SYAP1: variants seen among roughly 807,000 people sequenced by gnomAD.
SYAP1 encodes synapse associated protein 1.
In SYAP1, 3 loss-of-function variants were observed where a neutral mutation model predicts 29.6. That is an observed-to-expected ratio of 0.10 (90% CI 0.05 to 0.26). The LOEUF (loss-of-function observed/expected upper bound fraction) is 0.26, where lower values mean the gene tolerates loss of function less well. SYAP1 is among the 10% of genes least tolerant of loss of function. SYAP1 has a pLI of 1.00. For missense variants in SYAP1, 217 were observed against 264.1 expected, an observed-to-expected ratio of 0.82 and a Z score of 1.24; for synonymous variants, 102 against 102.7, an observed-to-expected ratio of 0.99 and a Z score of 0.04.
Position 16,721,419 on chromosome X carries a change from A to G in SYAP1, c.175+1520A>G, listed in dbSNP as rs111449406. Among the ~76,000 whole-genome samples, 681 of 110,857 alleles carry G rather than the reference A, an allele frequency of 6.1e-3. 5 individuals carry two copies. The highest frequency in any genetic ancestry group is 0.021 in the African/African-American group (642 of 30,420). On this transcript the variant is annotated intron_variant, in intron 1 of 8. Coordinates refer to ENST00000380155, the MANE Select transcript of SYAP1 (RefSeq NM_032796.4). ...GCTAATTTTTGTATTTTTAGTAGAG[A>G]TGGGGTTTCGCGATGTTGGGCAGGC... is the stretch of plus-strand genomic sequence containing the variant.
In SYAP1 at chrX:16,729,299, G is replaced by A. The variant is rs926393229; in HGVS notation, c.176-5928G>A. On this transcript the variant is annotated intron_variant, in intron 1 of 8. Coordinates refer to ENST00000380155, the MANE Select transcript of SYAP1 (RefSeq NM_032796.4). ...TAAATAAGCCAAATTTCACCTTTACGTTAGTGTACTATTAATGTTAAACCA... is the reference window on the plus strand; with the variant it reads ...TAAATAAGCCAAATTTCACCTTTACATTAGTGTACTATTAATGTTAAACCA... 2.7e-5 allele frequency among the ~76,000 whole-genome samples: 3 copies of A among 110,529 alleles called. No individual in the cohort carries two copies. The East Asian group carries it at 8.4e-4, about 31-fold the overall frequency.
At chrX:16,742,920 A>ATTTTTTTTTTTTTTTTTTTT in intron 4 of SYAP1, among the ~76,000 whole-genome samples, 1 of 62,992 alleles carries the variant, frequency 1.6e-5, no homozygotes, top group Non-Finnish European at 2.9e-5. Context: ...GTCCGCTTCT[A>ATTTTTTTTTTTTTTTTTTTT]TTTTTTTTTT....
At chrX:16,758,672 G>C (rs1294667415) in intron 8 of SYAP1, among the ~76,000 whole-genome samples, 1 of 109,646 alleles carries the variant, frequency 9.1e-6, no homozygotes, top group Non-Finnish European at 1.9e-5. Context: ...CTTGGCTCCA[G>C]GACTAAATTG....
At chrX:16,738,565 G>A (rs1019147159) in intron 3 of SYAP1, among the ~76,000 whole-genome samples, 2 of 111,873 alleles carry the variant, frequency 1.8e-5, no homozygotes, top group Admixed American at 9.5e-5. Context: ...CCAGCTCCTC[G>A]GGAGGCTGAG....
Position 16,741,710 on chromosome X carries a change from G to T in SYAP1, c.362-6G>T. 1 of 1,193,880 alleles carries T rather than the reference G, an allele frequency of 8.4e-7. No homozygotes were observed. The highest frequency in any genetic ancestry group is 1.1e-6 in the Non-Finnish European group (1 of 885,600). ...CTTTTCTTCTTTGCCATTAAAAACT[G>T]TATAGAAGCAGCTGTGCCCCCATGG... On this transcript the variant is annotated splice_polypyrimidine_tract_variant and splice_region_variant and intron_variant, in intron 3 of 8. Transcript: ENST00000380155.
intron 4 of SYAP1, among the ~76,000 whole-genome samples, chrX:16,742,759 G>A (rs1441826052): frequency 1.8e-5 from 2 of 110,406 alleles, no homozygotes; most frequent in Non-Finnish European, 3.8e-5. Flanking sequence ...GACGATAGGC[G>A]TAAGCCACCA....
intron 5 of SYAP1, among the ~76,000 whole-genome samples, chrX:16,749,267 C>T (rs1275398639): frequency 9.1e-6 from 1 of 109,632 alleles, no homozygotes; most frequent in Non-Finnish European, 1.9e-5. Flanking sequence ...GTTGCCCAAG[C>T]TGGTGTCAAA....
rs1331372301 is a variant in SYAP1, at chrX:16,753,283, A to T, written c.576-1662A>T. Among the ~76,000 whole-genome samples the T allele has an allele frequency of 2.8e-5, 3 of 108,738 alleles. No individual in the cohort carries two copies. In the East Asian group the frequency reaches 8.6e-4, roughly 31 times the overall value. The allele number at this position is 108,738 out of a possible 115,157, so 94.4% of individuals were successfully genotyped here. ...AAAAAAATTAGCAAGGCATAGTGGC[A>T]TGTGCCTGTAGTCTCAGCCACCCGG... On this transcript the variant is annotated intron_variant, in intron 5 of 8. Transcript: ENST00000380155.
chrX:16,737,117 A>G (rs1011005078), intron 3 of SYAP1, among the ~76,000 whole-genome samples: 4 of 111,890 alleles, frequency 3.6e-5, no homozygotes, highest in African/African-American at 1.3e-4. Flanking sequence ...AAAGTAGTAT[A>G]ACTGTAATCC....
In SYAP1 at chrX:16,723,890, A is replaced by G. The variant is rs773583432; in HGVS notation, c.175+3991A>G. Among the ~76,000 whole-genome samples, 5 of 111,177 alleles carry G rather than the reference A, an allele frequency of 4.5e-5. No individual in the cohort carries two copies. The East Asian group carries it at 1.4e-3, about 32-fold the overall frequency. On this transcript the variant is annotated intron_variant, in intron 1 of 8. Transcript: ENST00000380155. The stretch of plus-strand genomic sequence containing the variant: ...ACCTGAGGCAGCGTGGGATTGGAGC[A>G]TGAGCTTGGGATTTAGAGGCAGATA...
chrX:16,745,411 C>G (rs1355986876), intron 5 of SYAP1, among the ~76,000 whole-genome samples: 1 of 111,954 alleles, frequency 8.9e-6, no homozygotes, highest in Non-Finnish European at 1.9e-5. Context: ...CTGCAGACAA[C>G]TCAGTACAGT....
intron 1 of SYAP1, among the ~76,000 whole-genome samples, chrX:16,722,138 G>A (rs1925976459): frequency 8.9e-6 from 1 of 112,171 alleles, no homozygotes; most frequent in Non-Finnish European, 1.9e-5. Flanking sequence ...GAAGTATATT[G>A]TCTTTAAGAA....
chrX:16,729,646 G>A (rs1312135971), intron 1 of SYAP1, among the ~76,000 whole-genome samples: 1 of 110,062 alleles, frequency 9.1e-6, no homozygotes, highest in Non-Finnish European at 1.9e-5. Context: ...ACCATGCCCA[G>A]CTAATTTTTG....
intron 3 of SYAP1, among the ~76,000 whole-genome samples, chrX:16,738,773 G>T (rs1926384576): frequency 8.9e-6 from 1 of 112,317 alleles, no homozygotes; most frequent in Non-Finnish European, 1.9e-5. Flanking sequence ...CAGGAGAGCA[G>T]TCAGCCATGG....
At chrX:16,730,820 T>C (rs1043578198) in intron 1 of SYAP1, among the ~76,000 whole-genome samples, 1 of 112,158 alleles carries the variant, frequency 8.9e-6, no homozygotes, top group Non-Finnish European at 1.9e-5. Flanking sequence ...TTATATAAAA[T>C]CTCTTTTCTC....
In SYAP1 at chrX:16,741,022, C is replaced by G. The variant is rs188108756; in HGVS notation, c.362-694C>G. ...ATTCAGGCTTTATCTGATATTTCCT[C>G]ATAACTAGACTCAGATTGTCCATTT... is the stretch of plus-strand genomic sequence containing the variant. On this transcript the variant is annotated intron_variant, in intron 3 of 8. Transcript: ENST00000380155. Among the ~76,000 whole-genome samples the G allele has an allele frequency of 2.7e-5, 3 of 109,977 alleles. No individual in the cohort carries two copies. In the Admixed American group the frequency reaches 3.0e-4, roughly 11 times the overall value.
At chrX:16,755,501 TC>T (rs748768305) in intron 6 of SYAP1, among the ~76,000 whole-genome samples, 2 of 108,991 alleles carry the variant, frequency 1.8e-5, no homozygotes, top group South Asian at 4.0e-4. Context: ...TCCGTCATCT[TC>T]CCCCCCTCTC....
intron 5 of SYAP1, 105 bp from the exon 6 acceptor site, chrX:16,754,840 G>T: frequency 1.3e-6 from 1 of 786,315 alleles, no homozygotes; most frequent in Non-Finnish European, 1.9e-6. Context: ...TAACCCCTGC[G>T]TGCACTTGTC....
intron 5 of SYAP1, among the ~76,000 whole-genome samples, chrX:16,753,799 A>G (rs896209713): frequency 9.0e-6 from 1 of 110,647 alleles, no homozygotes; most frequent in African/African-American, 3.3e-5. Flanking sequence ...CCATGTTTGT[A>G]GCTCTCCTCT....
Sources: gnomAD v4.1 joint callset for allele counts (sites outside exome capture counted in the v4.1 genomes callset) on GRCh38, gnomAD v4.1.1 for gene constraint, MANE v1.5 for transcripts, NCBI Gene and HGNC (gene_info 2026-07-23, HGNC 2026-07-21) for gene names.